Variants in ABCC5 observed in about 807,000 individuals in gnomAD.
ABCC5 encodes the protein ATP binding cassette subfamily C member 5, also known as ATP-binding cassette sub-family C member 5.
ABCC5 carries 61 observed loss-of-function variants against 160.9 expected under a neutral mutation model. That is an observed-to-expected ratio of 0.38 (90% CI 0.31 to 0.47). The LOEUF (loss-of-function observed/expected upper bound fraction) is 0.47. Among genes scored for constraint, ABCC5 ranks in the 20% least tolerant of loss-of-function variants. The pLI, the probability that ABCC5 is intolerant of heterozygous loss-of-function variation, is 0.99. For synonymous variants in ABCC5, 666 were observed against 700.6 expected (o/e 0.95, Z 0.78); for missense variants, 1,308 against 1,813.3 (o/e 0.72, Z 5.06).
intron 25 of ABCC5, among the ~76,000 whole-genome samples, chr3:183,940,750 C>T (rs560741243): frequency 1.3e-3 from 197 of 152,246 alleles, no homozygotes; most frequent in African/African-American, 4.4e-3. Flanking sequence ...GCAGTGAAGT[C>T]CTCAAGATGG....
chr3:183,975,622 C>T (rs73179688), intron 10 of ABCC5, among the ~76,000 whole-genome samples: 62,349 of 151,666 alleles, frequency 0.41, 13,423 homozygotes, highest in African/African-American at 0.54. Flanking sequence ...GGATTACAGG[C>T]GTGAGCCACC....
chr3:183,951,704 GA>G lies in ABCC5; in HGVS notation c.2815-135del. The G allele has an allele frequency of 1.4e-6, 2 of 1,470,504 alleles. No homozygotes were observed. Among genetic ancestry groups the G allele is most frequent in the Admixed American group, 1.9e-5 (1 of 52,140 alleles). 91.1% of individuals were successfully genotyped at this position (1,470,504 alleles called of 1,614,324 possible). A position where few individuals can be genotyped will look rare whatever the true frequency, so the allele number is the denominator to read the frequency against. On this transcript the variant is annotated intron_variant, in intron 19 of 29. Transcript: ENST00000334444. This position sits in a 1 kb window ranked among gnomAD's most constrained non-coding sequence, Gnocchi z 4.7. ...GTCAGGAGGGACAGGTGGCAAGTGA[GA>G]AAAGGTGGAGGCTAACGGAATATGA...
rs761346073 is a variant in ABCC5 at position 183,945,815 on chromosome 3, G to A, written c.3504+35C>T. 1.9e-5 allele frequency: 30 copies of A among 1,578,076 alleles called. No individual in the cohort carries two copies. The East Asian group carries it at 6.3e-4, about 33-fold the overall frequency. On this transcript the variant is annotated intron_variant, in intron 24 of 29. Coordinates refer to ENST00000334444, the MANE Select transcript of ABCC5 (RefSeq NM_005688.4). ...AAAGGGTAAACCGACTCCAAGAGGA[G>A]TCAGATCACGGTAAAAGGCCTACAG...
Position 183,955,687 on chromosome 3 carries a change from C to T in ABCC5, c.2483-2417G>A, listed in dbSNP as rs72497181. Among the ~76,000 whole-genome samples the T allele has an allele frequency of 1.5e-4, 23 of 149,834 alleles. 2 individuals are homozygous for T. The East Asian group carries it at 4.5e-3, about 29-fold the overall frequency. On this transcript the variant is annotated intron_variant, in intron 17 of 29. Coordinates refer to ENST00000334444, the MANE Select transcript of ABCC5 (RefSeq NM_005688.4). ...ATGCAGATCTGTGTATATATCACATCGGTTACATGCAGATCCGTGTGTAAA... is the reference window on the plus strand; with the variant it reads ...ATGCAGATCTGTGTATATATCACATTGGTTACATGCAGATCCGTGTGTAAA...
At chr3:183,990,660 T>C (rs1208730492) in intron 2 of ABCC5, among the ~76,000 whole-genome samples, 1 of 149,104 alleles carries the variant, frequency 6.7e-6, no homozygotes, top group Non-Finnish European at 1.5e-5. Flanking sequence ...TTATCCTGGC[T>C]GCACAGCTGA....
rs1459958694 is a variant in ABCC5, at chr3:183,951,426, C to A, written c.2944+15G>T. ...TGAGCTCCAGAGTATTAAAAAAAGG[C>A]TCAGTGAGAAATACCTTCATCCATG... On this transcript the variant is annotated intron_variant, in intron 20 of 29. Coordinates refer to ENST00000334444, the MANE Select transcript of ABCC5 (RefSeq NM_005688.4). This position sits in a 1 kb window ranked among gnomAD's most constrained non-coding sequence, Gnocchi z 4.7. The A allele has an allele frequency of 6.2e-7, 1 of 1,613,284 alleles. No homozygotes were observed. Among genetic ancestry groups the A allele is most frequent in the Admixed American group, 1.7e-5 (1 of 59,890 alleles).
rs142294585 is a variant in ABCC5, at chr3:183,971,544, C to G, written c.1761+19G>C. On this transcript the variant is annotated intron_variant, in intron 11 of 29. Transcript: ENST00000334444. ...GGGTGGTGGGGTGCGGGCAGGGAGG[C>G]AGGGGGCGGACCACTTACCTCTTGG... is the stretch of plus-strand genomic sequence containing the variant. 1,361 of 1,605,568 alleles carry G rather than the reference C, an allele frequency of 8.5e-4. 11 individuals are homozygous for G. The African/African-American group carries it at 0.016, about 19-fold the overall frequency.
intron 12 of ABCC5, chr3:183,967,363 G>A: frequency 3.2e-6 from 1 of 308,016 alleles, no homozygotes; most frequent in Non-Finnish European, 6.3e-6. Context: ...AGTGTAGGGT[G>A]TCTGCTCATC....
chr3:183,963,294 G>A lies in ABCC5; in HGVS notation c.2235+91C>T. ...GAAACCTTGATTCCAGGAATTTCTA[G>A]TTATAACACAAGGATACCTGGAGCA... On this transcript the variant is annotated intron_variant, in intron 15 of 29. Transcript: ENST00000334444. The surrounding 1 kb of genome is among the most constrained non-coding windows in gnomAD (Gnocchi z 4.6). The A allele has an allele frequency of 7.3e-7, 1 of 1,370,924 alleles. No individual in the cohort carries two copies. Among genetic ancestry groups the A allele is most frequent in the Non-Finnish European group, 1.0e-6 (1 of 965,202 alleles). The allele number at this position is 1,370,924 out of a possible 1,614,324, so 84.9% of individuals were successfully genotyped here.
chr3:183,993,483 C>CAAAAAAAA (rs57885159), intron 2 of ABCC5, among the ~76,000 whole-genome samples: 1 of 105,486 alleles, frequency 9.5e-6, no homozygotes, highest in Non-Finnish European at 2.0e-5. Context: ...GACCCTGTCT[C>CAAAAAAAA]AAAAAAAAAA....
Position 183,951,740 on chromosome 3 carries a change from G to A in ABCC5, c.2814+117C>T. ...GGCTAACGGAATATGAGTCATCTCA[G>A]CCAGGGCCATCCTGGTTAAGGGAGC... On this transcript the variant is annotated intron_variant, in intron 19 of 29. Coordinates refer to ENST00000334444, the MANE Select transcript of ABCC5 (RefSeq NM_005688.4). This position sits in a 1 kb window ranked among gnomAD's most constrained non-coding sequence, Gnocchi z 4.7. 2 of 1,485,360 alleles carry A rather than the reference G, an allele frequency of 1.3e-6. No homozygotes were observed. Among genetic ancestry groups the A allele is most frequent in the Non-Finnish European group, 1.8e-6 (2 of 1,095,508 alleles). 92.0% of individuals were successfully genotyped at this position (1,485,360 alleles called of 1,614,324 possible).
chr3:183,950,393 C>T (rs372868060), intron 20 of ABCC5, among the ~76,000 whole-genome samples: 31 of 152,020 alleles, frequency 2.0e-4, no homozygotes, highest in Admixed American at 1.1e-3. Context: ...GTAACTTATG[C>T]TTATTTTAAA....
intron 8 of ABCC5, 86 bp downstream of exon 8, chr3:183,981,641 G>T: frequency 7.0e-7 from 1 of 1,437,378 alleles, no homozygotes; most frequent in Non-Finnish European, 9.6e-7. Context: ...TACGTAATGT[G>T]CTCAGAAAGC....
At position 184,014,829 on chromosome 3, in the gene ABCC5, A is replaced by T. The variant is rs76244502; in HGVS notation, c.-55-382T>A. Among the ~76,000 whole-genome samples the T allele has an allele frequency of 4.0e-3, 609 of 152,176 alleles. 3 individuals are homozygous for T. The highest frequency in any genetic ancestry group is 0.014 in the African/African-American group (584 of 41,520). On this transcript the variant is annotated intron_variant, in intron 1 of 29. Transcript: ENST00000334444. Reference sequence around the variant, plus strand: ...TTTCAGTTTGTCCCAAGTATTAAAAACTCCACAATTTTAAAGTGGACATCA... The same window carrying T: ...TTTCAGTTTGTCCCAAGTATTAAAATCTCCACAATTTTAAAGTGGACATCA...
chr3:183,941,043 A>G (rs965233854), intron 25 of ABCC5, among the ~76,000 whole-genome samples: 1 of 152,118 alleles, frequency 6.6e-6, no homozygotes, highest in Admixed American at 6.5e-5. Context: ...TATTTTTAGT[A>G]GAGATGAGGT....
At chr3:184,003,934 G>A (rs1720958402) in intron 2 of ABCC5, among the ~76,000 whole-genome samples, 1 of 152,158 alleles carries the variant, frequency 6.6e-6, no homozygotes, top group Non-Finnish European at 1.5e-5. Flanking sequence ...CATTGAGTGA[G>A]GGGAGAGAAC....
chr3:183,933,101 G>C (rs562239828), intron 26 of ABCC5, among the ~76,000 whole-genome samples: 1 of 149,420 alleles, frequency 6.7e-6, no homozygotes, highest in East Asian at 2.0e-4. Flanking sequence ...CTGGGAGGTG[G>C]AGGCTGCAGT....
chr3:183,988,267 A>G lies in ABCC5; in HGVS notation c.443+305T>C, dbSNP rs1374824251. On this transcript the variant is annotated intron_variant, in intron 4 of 29. Coordinates refer to ENST00000334444, the MANE Select transcript of ABCC5 (RefSeq NM_005688.4). The surrounding 1 kb of genome is among the most constrained non-coding windows in gnomAD (Gnocchi z 4.4). ...GTGGTAAAATGTAAAGTTGTAAACT[A>G]CATTTTAATCATGACAATCAGCTAC... Among the ~76,000 whole-genome samples, 1 of 152,234 alleles carries G rather than the reference A, an allele frequency of 6.6e-6. No individual in the cohort carries two copies. Among genetic ancestry groups the G allele is most frequent in the Non-Finnish European group, 1.5e-5 (1 of 68,042 alleles).
chr3:183,971,897 A>T lies in ABCC5; in HGVS notation c.1427T>A (p.Val476Asp). Residue 476 changes from valine to aspartate, a missense_variant, in exon 11 of 30, where the codon GTT becomes GAT. Around this residue, in one of 3 missense-constraint regions of ABCC5, gnomAD observed 1,142 missense variants for 1,527.1 expected, o/e 0.75. Transcript: ENST00000334444. ...RFKSLFLMEE[V>D]HMIKNKPASP... is the part of the protein sequence containing the mutation. Reference sequence around the variant, plus strand: ...GGCTGGTTTGTTCTTTATCATGTGAACCTCTTCCATTAGAAACAAACTCTG... The same window carrying T: ...GGCTGGTTTGTTCTTTATCATGTGATCCTCTTCCATTAGAAACAAACTCTG... The T allele has an allele frequency of 6.8e-6, 11 of 1,613,844 alleles. No homozygotes were observed. The highest frequency in any genetic ancestry group is 9.3e-6 in the Non-Finnish European group (11 of 1,179,978).
Sources: allele counts gnomAD v4.1 joint callset (sites outside exome capture counted in the v4.1 genomes callset), GRCh38; gene constraint gnomAD v4.1.1; regional missense constraint gnomAD v4.1.1; non-coding constraint Gnocchi (gnomAD v3.1); transcripts MANE v1.5; gene names NCBI Gene and HGNC (gene_info 2026-07-23, HGNC 2026-07-21).